The following FAM227A variants were observed in gnomAD, a reference collection of about 807,000 sequenced individuals.
FAM227A encodes family with sequence similarity 227 member A.
Under a neutral mutation model 74.7 loss-of-function variants are expected in FAM227A, and 80 were observed. The observed-to-expected ratio is 1.07, with a 90% CI of 0.89 to 1.29. The LOEUF (loss-of-function observed/expected upper bound fraction) is 1.29, where lower values mean the gene tolerates loss of function less well. Among genes scored for constraint, FAM227A ranks in the 50% most tolerant of loss-of-function variants. FAM227A has a pLI of 0.00. For missense variants in FAM227A, 654 were observed against 683.4 expected, an observed-to-expected ratio of 0.96 and a Z score of 0.48; for synonymous variants, 237 against 241.8, an observed-to-expected ratio of 0.98 and a Z score of 0.19.
At position 38,583,018 on chromosome 22, in the gene FAM227A, A is replaced by G; in HGVS notation, c.*3107T>C. 1 of 1,510,660 alleles carries G rather than the reference A, an allele frequency of 6.6e-7. No individual in the cohort carries two copies. Among genetic ancestry groups the G allele is most frequent in the Non-Finnish European group, 9.0e-7 (1 of 1,113,276 alleles). 93.6% of individuals were successfully genotyped at this position (1,510,660 alleles called of 1,614,324 possible). A position where few individuals can be genotyped will look rare whatever the true frequency, so the allele number is the denominator to read the frequency against. On this transcript the variant is annotated 3_prime_UTR_variant, in exon 17 of 17. Transcript: ENST00000535113. ...AGCAGCAACAGACAAAAGATCCAGA[A>G]ATAGGAAAGTGTGGTTCCTAGAGAA... is the stretch of plus-strand genomic sequence containing the variant.
chr22:38,636,625 T>C, intron 5 of FAM227A, 28 bp from the exon 6 acceptor site: 3 of 1,546,698 alleles, frequency 1.9e-6, no homozygotes, highest in Non-Finnish European at 2.6e-6. Flanking sequence ...AATATGAAAA[T>C]GGGGTTCACA....
chr22:38,625,897 C>T (rs953441470), intron 9 of FAM227A, among the ~76,000 whole-genome samples: 4 of 148,046 alleles, frequency 2.7e-5, no homozygotes, highest in African/African-American at 7.6e-5. Context: ...GAGCCCAGAT[C>T]GCACCATTGC....
At chr22:38,625,568 G>A (rs536801298) in intron 9 of FAM227A, among the ~76,000 whole-genome samples, 3 of 152,168 alleles carry the variant, frequency 2.0e-5, no homozygotes, top group African/African-American at 7.2e-5. Flanking sequence ...CACAGCACAT[G>A]GTTAACTAAC....
At chr22:38,649,452 G>C (rs1471419802) in intron 2 of FAM227A, among the ~76,000 whole-genome samples, 1 of 151,700 alleles carries the variant, frequency 6.6e-6, no homozygotes, top group Non-Finnish European at 1.5e-5. Context: ...TGTAATCCCA[G>C]CTACTCGGGA....
chr22:38,614,657 G>A (rs981007959), intron 11 of FAM227A, among the ~76,000 whole-genome samples: 1 of 152,150 alleles, frequency 6.6e-6, no homozygotes, highest in Non-Finnish European at 1.5e-5. Flanking sequence ...ATCCTGGTTT[G>A]CCCATTAAAA....
intron 6 of FAM227A, among the ~76,000 whole-genome samples, chr22:38,634,524 A>C (rs1401699798): frequency 6.6e-6 from 1 of 152,200 alleles, no homozygotes; most frequent in Non-Finnish European, 1.5e-5. Flanking sequence ...TTTATTTCAC[A>C]ATAACACCTC....
Position 38,582,998 on chromosome 22 carries a change from C to A in FAM227A, c.*3127G>T, listed in dbSNP as rs997456857. 19 of 1,534,936 alleles carry A rather than the reference C, an allele frequency of 1.2e-5. No homozygotes were observed. Among genetic ancestry groups the A allele is most frequent in the Non-Finnish European group, 1.7e-5 (19 of 1,134,330 alleles). On this transcript the variant is annotated 3_prime_UTR_variant, in exon 17 of 17. Coordinates refer to ENST00000535113, the MANE Select transcript of FAM227A (RefSeq NM_001013647.2). The stretch of plus-strand genomic sequence containing the variant: ...AAGGCATTTTCAGGTCCAGAAGCAG[C>A]AACAGACAAAAGATCCAGAAATAGG...
At chr22:38,647,626 G>A (rs2092262644) in intron 2 of FAM227A, among the ~76,000 whole-genome samples, 2 of 152,080 alleles carry the variant, frequency 1.3e-5, no homozygotes, top group African/African-American at 2.4e-5. Context: ...AATCTGTTCA[G>A]TTCTATGGCC....
chr22:38,614,678 GC>G (rs1160230973), intron 11 of FAM227A, among the ~76,000 whole-genome samples: 3 of 152,162 alleles, frequency 2.0e-5, no homozygotes, highest in Non-Finnish European at 4.4e-5. Context: ...CTTCAGCTGT[GC>G]TCAAGGTTCC....
Position 38,639,694 on chromosome 22 carries a change from CCTT to C in FAM227A, c.253_255del (p.Lys85del), listed in dbSNP as rs1346215161. ...CTGCTGCGAGTTTTCTCTCTTAAAG[CCTT>C]CTTCTCCAACTCAAATCTCTCAATT... On this transcript the variant is annotated inframe_deletion, in exon 4 of 17. Transcript: ENST00000535113. 14 of 1,551,744 alleles carry C rather than the reference CCTT, an allele frequency of 9.0e-6. No individual in the cohort carries two copies. The African/African-American group carries it at 1.5e-4, about 17-fold the overall frequency.
rs1478322789 is a variant in FAM227A at position 38,579,552 on chromosome 22, A to C, written c.*6573T>G. 2.0e-5 allele frequency: 3 copies of C among 152,176 alleles called. No homozygotes were observed. Among genetic ancestry groups the C allele is most frequent in the Non-Finnish European group, 4.4e-5 (3 of 68,038 alleles). 9.4% of individuals were successfully genotyped at this position (152,176 alleles called of 1,614,324 possible). On this transcript the variant is annotated 3_prime_UTR_variant, in exon 17 of 17. Coordinates refer to ENST00000535113, the MANE Select transcript of FAM227A (RefSeq NM_001013647.2). ...AGAAGTGTCCATGGTAGATGCCTTT[A>C]ATTTTAAAAATTATGGCTAAAATCA...
At chr22:38,641,994 T>C (rs2092128413) in intron 3 of FAM227A, among the ~76,000 whole-genome samples, 1 of 151,972 alleles carries the variant, frequency 6.6e-6, no homozygotes, top group African/African-American at 2.4e-5. Context: ...TGTGTGCGCG[T>C]GTGTTTGAGA....
chr22:38,649,960 A>T, intron 2 of FAM227A, 67 bp downstream of exon 2: 1 of 1,427,954 alleles, frequency 7.0e-7, no homozygotes, highest in South Asian at 1.2e-5. Flanking sequence ...CACTGATTAG[A>T]TCTCTGTGGC....
intron 11 of FAM227A, among the ~76,000 whole-genome samples, chr22:38,610,397 G>T (rs1202388187): frequency 6.6e-6 from 1 of 152,164 alleles, no homozygotes; most frequent in Non-Finnish European, 1.5e-5. Flanking sequence ...GGGGGTATTC[G>T]CTTGGGTTTC....
Position 38,623,191 on chromosome 22 carries a change from G to C in FAM227A, c.939C>G (p.Tyr313Ter), listed in dbSNP as rs753343555. 6.4e-7 allele frequency: 1 copy of C among 1,551,246 alleles called. No individual in the cohort carries two copies. The highest frequency in any genetic ancestry group is 8.7e-7 in the Non-Finnish European group (1 of 1,146,552). Reference protein sequence around the residue: ...ERFRREELMLYRRRLTKGREF... With the variant: ...ERFRREELML The stretch of plus-strand genomic sequence containing the variant: ...TCTTACCCTTTGTCAGTCTTCTTCT[G>C]TACAACATTAATTCTTCTCTGCGGA... The change falls in exon 10 of 17, where the codon TAC (tyrosine) becomes TAG (stop). Residue 313 changes from tyrosine to a stop codon, truncating the protein, a stop_gained. Transcript: ENST00000535113. LOFTEE classifies it high-confidence loss of function.
intron 16 of FAM227A, 70 bp from the exon 17 acceptor site, chr22:38,586,269 C>T (rs930646166): frequency 5.3e-6 from 8 of 1,505,078 alleles, no homozygotes; most frequent in Admixed American, 4.0e-5. Flanking sequence ...AGACTTTGCA[C>T]GTGAGCAGTG....
At chr22:38,621,562 G>A (rs748458322) in intron 10 of FAM227A, among the ~76,000 whole-genome samples, 3 of 151,980 alleles carry the variant, frequency 2.0e-5, no homozygotes, top group Admixed American at 6.6e-5. Flanking sequence ...CTGAGATTGC[G>A]CCATTGCACT....
intron 11 of FAM227A, among the ~76,000 whole-genome samples, chr22:38,613,470 C>T (rs2091512686): frequency 2.0e-5 from 1 of 50,100 alleles, no homozygotes; most frequent in East Asian, 5.3e-4. Flanking sequence ...AGGTCCCAGC[C>T]CAGGGATGTC....
chr22:38,644,784 T>C (rs1603067572), intron 3 of FAM227A, among the ~76,000 whole-genome samples: 1 of 152,202 alleles, frequency 6.6e-6, no homozygotes, highest in East Asian at 1.9e-4. Context: ...GAACTTATAA[T>C]TGCTCTAAAA....
Sources: allele counts gnomAD v4.1 joint callset (sites outside exome capture counted in the v4.1 genomes callset), GRCh38; gene constraint gnomAD v4.1.1; transcripts MANE v1.5; gene names NCBI Gene and HGNC (gene_info 2026-07-23, HGNC 2026-07-21).